Variants in WDR33 observed in about 807,000 individuals in gnomAD.
The protein encoded by WDR33 is pre-mRNA 3' end processing protein WDR33.
WDR33 carries 47 observed loss-of-function variants against 164.9 expected under a neutral mutation model. The observed-to-expected ratio is 0.29, with a 90% CI of 0.23 to 0.36. WDR33 has a LOEUF of 0.36. Among genes scored for constraint, WDR33 ranks in the 10% least tolerant of loss-of-function variants. The pLI, the probability that WDR33 is intolerant of heterozygous loss-of-function variation, is 1.00. For synonymous variants in WDR33, 505 were observed against 589.0 expected (o/e 0.86, Z 2.06); for missense variants, 1,137 against 1,754.1 (o/e 0.65, Z 6.28).
chr2:127,761,060 T>C (rs1376217699), intron 7 of WDR33, among the ~76,000 whole-genome samples: 1 of 152,172 alleles, frequency 6.6e-6, no homozygotes, highest in African/African-American at 2.4e-5. Context: ...TTACCAAAAT[T>C]GAATAATGCT....
intron 7 of WDR33, among the ~76,000 whole-genome samples, chr2:127,760,607 G>A (rs1007277169): frequency 6.6e-6 from 1 of 152,204 alleles, no homozygotes; most frequent in East Asian, 1.9e-4. Context: ...GGAAAAGTGA[G>A]AAATGACAGA....
intron 7 of WDR33, among the ~76,000 whole-genome samples, chr2:127,728,435 G>T (rs1041139576): frequency 2.6e-5 from 4 of 152,122 alleles, no homozygotes; most frequent in African/African-American, 9.7e-5. Flanking sequence ...ATTGTTAACA[G>T]AAATAATATT....
intron 1 of WDR33, among the ~76,000 whole-genome samples, chr2:127,774,754 C>G (rs533009404): frequency 6.6e-6 from 1 of 151,852 alleles, no homozygotes; most frequent in Non-Finnish European, 1.5e-5. Flanking sequence ...GGCGTGAACC[C>G]GGGAGGCGGA....
intron 7 of WDR33, among the ~76,000 whole-genome samples, chr2:127,730,390 CAT>C (rs1477752954): frequency 2.0e-5 from 3 of 152,012 alleles, no homozygotes; most frequent in South Asian, 2.1e-4. Flanking sequence ...TCTGACCTCA[CAT>C]GTCAATGTTG....
chr2:127,730,312 GCTTC>G (rs563576006), intron 7 of WDR33, among the ~76,000 whole-genome samples: 26 of 152,188 alleles, frequency 1.7e-4, no homozygotes, highest in African/African-American at 5.5e-4. Context: ...ATATGCAATT[GCTTC>G]CTTCTTCAGG....
At position 127,709,925 on chromosome 2, in the gene WDR33, G is replaced by A. The variant is rs1686117393; in HGVS notation, c.3309-69C>T. On this transcript the variant is annotated intron_variant, in intron 18 of 21. Coordinates refer to ENST00000322313, the MANE Select transcript of WDR33 (RefSeq NM_018383.5). The surrounding 1 kb of genome is among the most constrained non-coding windows in gnomAD (Gnocchi z 5.0). ...TGCCACTCTAAGTTCATGTTTCAAAGAAGCATATGATATGAGAAAGCATGA... is the reference window on the plus strand; with the variant it reads ...TGCCACTCTAAGTTCATGTTTCAAAAAAGCATATGATATGAGAAAGCATGA... The A allele has an allele frequency of 1.9e-6, 3 of 1,546,860 alleles. No individual in the cohort carries two copies.
chr2:127,739,083 T>C (rs1686942335), intron 7 of WDR33, among the ~76,000 whole-genome samples: 1 of 152,148 alleles, frequency 6.6e-6, no homozygotes, highest in Non-Finnish European at 1.5e-5. Context: ...TCCAAACCAG[T>C]TCAAATTAAA....
In WDR33 at chr2:127,731,294, CAAAA is replaced by C. The variant is rs35161101; in HGVS notation, c.725-4521_725-4518del. 5.1e-3 allele frequency among the ~76,000 whole-genome samples: 356 copies of C among 70,310 alleles called. 1 individual carries two copies. The highest frequency in any genetic ancestry group is 0.016 in the African/African-American group (307 of 18,672). 46.1% of individuals were successfully genotyped at this position (70,310 alleles called of 152,430 possible). A position where few individuals can be genotyped will look rare whatever the true frequency, so the allele number is the denominator to read the frequency against. ...TGGGCAACAGAGCAAGACCCTGCCT[CAAAA>C]AAAAAAAAAAAAAAAAAAAACACAG... On this transcript the variant is annotated intron_variant, in intron 7 of 21. Coordinates refer to ENST00000322313, the MANE Select transcript of WDR33 (RefSeq NM_018383.5).
In WDR33 at chr2:127,713,744, G is replaced by A. The variant is rs201838312; in HGVS notation, c.3147C>T (p.Gly1049=). ...GATCAGGGGGAAACGGAGGCCCAGG[G>A]CCCCCTCGCCTCCACTTCTCTTCTT... The part of the protein sequence containing the change: ...LPQEEKWRRG[G]PGPPFPPDHR... The change falls in exon 18 of 22, where the codon GGC becomes GGT. Residue 1049 remains glycine, a synonymous_variant. Coordinates refer to ENST00000322313, the MANE Select transcript of WDR33 (RefSeq NM_018383.5). The surrounding 1 kb of genome is among the most constrained non-coding windows in gnomAD (Gnocchi z 6.2). The A allele has an allele frequency of 2.5e-6, 4 of 1,614,076 alleles. No homozygotes were observed. The highest frequency in any genetic ancestry group is 2.2e-5 in the South Asian group (2 of 91,088).
intron 1 of WDR33, among the ~76,000 whole-genome samples, chr2:127,780,540 G>C (rs940155074): frequency 2.0e-5 from 3 of 152,184 alleles, no homozygotes; most frequent in Non-Finnish European, 4.4e-5. Context: ...CATTCAATCT[G>C]TTAAAGAATA....
chr2:127,701,347 C>G lies in WDR33; in HGVS notation c.*4976G>C, dbSNP rs1573867437. The G allele has an allele frequency of 4.1e-6, 2 of 484,560 alleles. No individual in the cohort carries two copies. The highest frequency in any genetic ancestry group is 6.4e-6 in the Non-Finnish European group (2 of 312,602). The allele number at this position is 484,560 out of a possible 1,614,324, so 30.0% of individuals were successfully genotyped here. On this transcript the variant is annotated 3_prime_UTR_variant, in exon 22 of 22. Transcript: ENST00000322313. Reference sequence around the variant, plus strand: ...ACTGCAAGCGGACAGGCAGCACCTGCGACCACGGTACTTGGGGACACCACA... The same window carrying G: ...ACTGCAAGCGGACAGGCAGCACCTGGGACCACGGTACTTGGGGACACCACA...
chr2:127,775,781 G>A (rs1201914826), intron 1 of WDR33, among the ~76,000 whole-genome samples: 1 of 152,026 alleles, frequency 6.6e-6, no homozygotes, highest in Non-Finnish European at 1.5e-5. Context: ...CAGTAAAACG[G>A]GTTCTGAAAA....
At chr2:127,711,753 T>G (rs1304538941) in intron 18 of WDR33, among the ~76,000 whole-genome samples, 24 of 71,116 alleles carry the variant, frequency 3.4e-4, no homozygotes, top group African/African-American at 2.6e-3. Context: ...CATATACAGA[T>G]ATATATATAT....
chr2:127,746,829 C>A (rs1652817590), intron 7 of WDR33, among the ~76,000 whole-genome samples: 1 of 152,220 alleles, frequency 6.6e-6, no homozygotes, highest in Non-Finnish European at 1.5e-5. Context: ...ATTCTTCTAT[C>A]ATTACATTTT....
intron 1 of WDR33, among the ~76,000 whole-genome samples, chr2:127,784,454 G>A (rs963513343): frequency 6.6e-6 from 1 of 152,094 alleles, no homozygotes; most frequent in East Asian, 1.9e-4. Context: ...GTGCAATCAC[G>A]GCACCCTGCA....
At chr2:127,796,900 CTG>C in intron 1 of WDR33, among the ~76,000 whole-genome samples, 1 of 152,126 alleles carries the variant, frequency 6.6e-6, no homozygotes, top group African/African-American at 2.4e-5. Flanking sequence ...ACCGGAAAAA[CTG>C]TCTGTTTCCC....
At chr2:127,734,072 G>A (rs1412654209) in intron 7 of WDR33, among the ~76,000 whole-genome samples, 1 of 152,164 alleles carries the variant, frequency 6.6e-6, no homozygotes, top group Non-Finnish European at 1.5e-5. Flanking sequence ...TAACTGAAGA[G>A]CTTGTATATG....
At chr2:127,779,657 C>T (rs982774118) in intron 1 of WDR33, among the ~76,000 whole-genome samples, 1 of 152,058 alleles carries the variant, frequency 6.6e-6, no homozygotes, top group Admixed American at 6.6e-5. Flanking sequence ...TGAGGTATTC[C>T]CTTCCTGTGT....
intron 8 of WDR33, 36 bp from the exon 9 acceptor site, chr2:127,725,251 C>G: frequency 6.4e-7 from 1 of 1,567,380 alleles, no homozygotes; most frequent in Non-Finnish European, 8.6e-7. Context: ...TGTCAGAATT[C>G]AAAACAAGTA....
Sources: allele counts gnomAD v4.1 joint callset (sites outside exome capture counted in the v4.1 genomes callset), GRCh38; gene constraint gnomAD v4.1.1; non-coding constraint Gnocchi (gnomAD v3.1); transcripts MANE v1.5; gene names NCBI Gene and HGNC (gene_info 2026-07-23, HGNC 2026-07-21).